FADS6: variants seen among roughly 807,000 people sequenced by gnomAD.
The protein encoded by FADS6 is fatty acid desaturase 6, also known as fatty acid desaturase domain family, member 6.
Under a neutral mutation model 31.7 loss-of-function variants are expected in FADS6, and 28 were observed. The ratio of observed to expected loss-of-function variants is 0.88; its 90% CI spans 0.66 to 1.21. The LOEUF (loss-of-function observed/expected upper bound fraction) is 1.21. FADS6 is among the 50% of genes most tolerant of loss of function. FADS6 has a pLI of 0.00. For synonymous variants in FADS6, 191 were observed against 213.1 expected, an observed-to-expected ratio of 0.90 and a Z score of 0.90; for missense variants, 494 against 504.2, an observed-to-expected ratio of 0.98 and a Z score of 0.19.
chr17:74,893,491 C>G lies in FADS6; in HGVS notation c.105G>C (p.Arg35=). 6.9e-6 allele frequency: 11 copies of G among 1,592,980 alleles called. No homozygotes were observed. Among genetic ancestry groups the G allele is most frequent in the Non-Finnish European group, 8.5e-6 (10 of 1,171,614 alleles). The part of the protein sequence containing the change: ...MEPTEPMEPA[R]SAHRGGEALL... The stretch of plus-strand genomic sequence containing the variant: ...GCGCCTCGCCCCCACGGTGCGCGCT[C>G]CGCGCCGGTTCCATGGGCTCCGTAG... Residue 35 remains arginine, a synonymous_variant, in exon 1 of 6, where the codon CGG becomes CGC. Coordinates refer to ENST00000612771, the MANE Select transcript of FADS6 (RefSeq NM_178128.6).
chr17:74,876,456 C>G (rs2038508988), downstream of FADS6, among the ~76,000 whole-genome samples: 1 of 152,102 alleles, frequency 6.6e-6, no homozygotes, highest in African/African-American at 2.4e-5. Context: ...GCTAAACATC[C>G]AACAATGCAC....
chr17:74,879,900 G>A (rs1325094588), intron 4 of FADS6, among the ~76,000 whole-genome samples: 1 of 152,132 alleles, frequency 6.6e-6, no homozygotes, highest in Non-Finnish European at 1.5e-5. Flanking sequence ...CCTCATTCTG[G>A]AGAGACCCTT....
At chr17:74,890,468 G>A (rs898665261) in intron 2 of FADS6, among the ~76,000 whole-genome samples, 2 of 152,060 alleles carry the variant, frequency 1.3e-5, no homozygotes, top group Admixed American at 1.3e-4. Flanking sequence ...TAAACTACTC[G>A]GGCCCTGTTC....
At position 74,892,618 on chromosome 17, in the gene FADS6, A is replaced by G. The variant is rs1358632476; in HGVS notation, c.316T>C (p.Tyr106His). 3 of 1,613,278 alleles carry G rather than the reference A, an allele frequency of 1.9e-6. No homozygotes were observed. In the African/African-American group the frequency reaches 4.0e-5, roughly 22 times the overall value. ...SGITILGVCH[Y>H]TLTVKGSHLA... ...TGGCTGCCCTTGACAGTGAGTGTGT[A>G]GTGGCACACACCCAAGATGGTGATG... Residue 106 changes from tyrosine to histidine, a missense_variant, in exon 2 of 6, where the codon TAC becomes CAC. Around this residue, in one of 2 missense-constraint regions of FADS6, gnomAD observed 454 missense variants for 438.5 expected, o/e 1.04. Coordinates refer to ENST00000612771, the MANE Select transcript of FADS6 (RefSeq NM_178128.6).
Position 74,882,724 on chromosome 17 carries a change from C to T in FADS6, c.412-14G>A. The T allele has an allele frequency of 6.2e-7, 1 of 1,603,056 alleles. No individual in the cohort carries two copies. Among genetic ancestry groups the T allele is most frequent in the Non-Finnish European group, 8.5e-7 (1 of 1,176,174 alleles). On this transcript the variant is annotated splice_polypyrimidine_tract_variant and intron_variant, in intron 2 of 5. Coordinates refer to ENST00000612771, the MANE Select transcript of FADS6 (RefSeq NM_178128.6). Reference sequence around the variant, plus strand: ...GGCTGTGCACACCTAGAGGAGGGAACCAGAAATGACACTGGGGTCCCTGTC... The same window carrying T: ...GGCTGTGCACACCTAGAGGAGGGAATCAGAAATGACACTGGGGTCCCTGTC...
intron 2 of FADS6, among the ~76,000 whole-genome samples, chr17:74,888,511 G>C (rs952660318): frequency 4.6e-5 from 7 of 152,164 alleles, no homozygotes; most frequent in African/African-American, 1.7e-4. Context: ...CCTGTGAGGA[G>C]AGAACGTTCC....
intron 4 of FADS6, 24 bp downstream of exon 4, chr17:74,881,044 C>A: frequency 6.2e-7 from 1 of 1,600,238 alleles, no homozygotes; most frequent in Non-Finnish European, 8.5e-7. Context: ...AGCTGCCCAG[C>A]GCCCCAGGTT....
At chr17:74,880,416 G>A (rs558035330) in intron 4 of FADS6, among the ~76,000 whole-genome samples, 9 of 151,928 alleles carry the variant, frequency 5.9e-5, no homozygotes, top group African/African-American at 1.7e-4. Context: ...GTTCAGTGGC[G>A]CAATCTCGGC....
At chr17:74,876,891 G>A (rs1196278120), downstream of FADS6, among the ~76,000 whole-genome samples, 1 of 151,994 alleles carries the variant, frequency 6.6e-6, no homozygotes, top group South Asian at 2.1e-4. Context: ...GCCTCCACCT[G>A]GGCACTTCCT....
intron 2 of FADS6, among the ~76,000 whole-genome samples, chr17:74,885,127 C>T (rs2038609992): frequency 6.6e-6 from 1 of 152,018 alleles, no homozygotes; most frequent in Non-Finnish European, 1.5e-5. Flanking sequence ...CCAGGCCCCA[C>T]CTCCTCCTCA....
At chr17:74,891,251 T>TCA (rs2038685256) in intron 2 of FADS6, among the ~76,000 whole-genome samples, 1 of 152,024 alleles carries the variant, frequency 6.6e-6, no homozygotes, top group Non-Finnish European at 1.5e-5. Context: ...TTGGTCATGC[T>TCA]GGTCTCAAAC....
In FADS6 at chr17:74,878,465, C is replaced by G. The variant is rs973672356; in HGVS notation, c.973G>C (p.Val325Leu). 1.1e-5 allele frequency: 17 copies of G among 1,613,788 alleles called. No individual in the cohort carries two copies. In the African/African-American group the frequency reaches 1.2e-4, roughly 11 times the overall value. Residue 325 changes from valine (V) to leucine (L), a missense_variant, in exon 6 of 6, where the codon GTG (valine) becomes CTG (leucine). This residue lies in a region of FADS6 where 454 missense variants were observed against 438.5 expected (regional missense o/e 1.04). Transcript: ENST00000612771. Reference sequence around the variant, plus strand: ...TGCTTCTCACGTAGGAACTGGGACACCACGGGCTTCACCTGGTGGAAGATG... The same window carrying G: ...TGCTTCTCACGTAGGAACTGGGACAGCACGGGCTTCACCTGGTGGAAGATG... Reference protein sequence around the residue: ...DNMCLKVKPVVSQFLREKQLP... With the variant: ...DNMCLKVKPVLSQFLREKQLP...
chr17:74,875,420 C>T (rs1412401458), downstream of FADS6, among the ~76,000 whole-genome samples: 1 of 152,152 alleles, frequency 6.6e-6, no homozygotes, highest in Non-Finnish European at 1.5e-5. Flanking sequence ...TCACTCCTGT[C>T]ACCTCCCTCA....
intron 3 of FADS6, 77 bp downstream of exon 3, chr17:74,882,453 T>C (rs2038580440): frequency 6.8e-7 from 1 of 1,474,026 alleles, no homozygotes; most frequent in Non-Finnish European, 9.1e-7. Context: ...GCAGCCTCCA[T>C]GAAGCCACGC....
In FADS6 at chr17:74,879,715, C is replaced by G. The variant is rs189976039; in HGVS notation, c.781-132G>C. 104 of 917,920 alleles carry G rather than the reference C, an allele frequency of 1.1e-4. No individual in the cohort carries two copies. The African/African-American group carries it at 1.7e-3, about 15-fold the overall frequency. The allele number at this position is 917,920 out of a possible 1,614,324, so 56.9% of individuals were successfully genotyped here. On this transcript the variant is annotated intron_variant, in intron 4 of 5. Transcript: ENST00000612771. Reference sequence around the variant, plus strand: ...CATGTGGGGGGACCTGGTAGAGGGGCTCCTGGCCCAGCTCCGATGATGACC... The same window carrying G: ...CATGTGGGGGGACCTGGTAGAGGGGGTCCTGGCCCAGCTCCGATGATGACC...
intron 2 of FADS6, among the ~76,000 whole-genome samples, chr17:74,888,914 C>T (rs566752029): frequency 1.8e-4 from 27 of 152,322 alleles, no homozygotes; most frequent in African/African-American, 5.5e-4. Flanking sequence ...CCTGAGAATA[C>T]GCCTGGCAGT....
rs1350777918 is a variant in FADS6 at position 74,882,630 on chromosome 17, C to T, written c.492G>A (p.Leu164=). 1 of 1,611,548 alleles carries T rather than the reference C, an allele frequency of 6.2e-7. No individual in the cohort carries two copies. ...MHHAYTNVVG[L]GDSSTWRLPC... is the part of the protein sequence containing the mutation. ...GCAGCCTCCACGTGCTGGAGTCCCCCAGGCCCACCACGTTGGTGTAGGCAT... is the reference window on the plus strand; with the variant it reads ...GCAGCCTCCACGTGCTGGAGTCCCCTAGGCCCACCACGTTGGTGTAGGCAT... Residue 164 remains leucine (L), a synonymous_variant, in exon 3 of 6, where the codon CTG becomes CTA. Transcript: ENST00000612771.
At position 74,882,582 on chromosome 17, in the gene FADS6, G is replaced by A. The variant is rs1186477452; in HGVS notation, c.540C>T (p.Tyr180=). 2 of 1,612,274 alleles carry A rather than the reference G, an allele frequency of 1.2e-6. No homozygotes were observed. The change falls in exon 3 of 6, where the codon TAC becomes TAT. Residue 180 remains tyrosine, a synonymous_variant. Coordinates refer to ENST00000612771, the MANE Select transcript of FADS6 (RefSeq NM_178128.6). ...WRLPCLNRYV[Y]MFLAPFLLPI... is the part of the protein sequence containing the mutation. ...GGAGGAGGAAAGGAGCAAGGAACAT[G>A]TAGACATAGCGGTTGAGGCAAGGCA...
chr17:74,885,965 C>A (rs936391507), intron 2 of FADS6, among the ~76,000 whole-genome samples: 3 of 152,138 alleles, frequency 2.0e-5, no homozygotes, highest in Admixed American at 6.5e-5. Flanking sequence ...ACCAGCCAGG[C>A]GCAGTGGCTC....
Sources: allele counts gnomAD v4.1 joint callset (sites outside exome capture counted in the v4.1 genomes callset), GRCh38; gene constraint gnomAD v4.1.1; regional missense constraint gnomAD v4.1.1; transcripts MANE v1.5; gene names NCBI Gene and HGNC (gene_info 2026-07-23, HGNC 2026-07-21).